PTPRD: variants seen among roughly 807,000 people sequenced by gnomAD.
The protein encoded by PTPRD is protein tyrosine phosphatase receptor type D.
A neutral mutation model predicts 214.5 loss-of-function variants in PTPRD; 34 were observed. The ratio of observed to expected loss-of-function variants is 0.16; its 90% CI spans 0.12 to 0.21. The LOEUF (loss-of-function observed/expected upper bound fraction) is 0.21, where lower values mean the gene tolerates loss of function less well. PTPRD is among the 10% of genes least tolerant of loss of function. PTPRD has a pLI of 1.00. For synonymous variants in PTPRD, 1,128 were observed against 845.7 expected, an observed-to-expected ratio of 1.33 and a Z score of -5.79; for missense variants, 2,545 against 2,398.7, an observed-to-expected ratio of 1.06 and a Z score of -1.27.
chr9:9,517,923 G>T (rs1457827985), intron 8 of PTPRD, among the ~76,000 whole-genome samples: 1 of 151,380 alleles, frequency 6.6e-6, no homozygotes, highest in African/African-American at 2.4e-5. Context: ...CTTAACCTGT[G>T]TTGTATATGC....
rs558846470 is a variant in PTPRD at position 8,819,912 on chromosome 9, T to C, written c.-103-85966A>G. Among the ~76,000 whole-genome samples, 7 of 152,212 alleles carry C rather than the reference T, an allele frequency of 4.6e-5. No individual in the cohort carries two copies. In the East Asian group the frequency reaches 1.4e-3, roughly 30 times the overall value. ...TGTTCTCCTTGTCCACACAATCATA[T>C]GCTCAGGAAGCTAAGTATTATAAAA... On this transcript the variant is annotated intron_variant, in intron 11 of 45. Coordinates refer to ENST00000381196, the MANE Select transcript of PTPRD (RefSeq NM_002839.4).
intron 3 of PTPRD, among the ~76,000 whole-genome samples, chr9:10,285,946 A>G (rs903457073): frequency 7.2e-5 from 11 of 152,078 alleles, no homozygotes; most frequent in Non-Finnish European, 1.2e-4. Flanking sequence ...AAGCCATAAT[A>G]GGTACCAGAC....
Position 9,420,901 on chromosome 9 carries a change from C to A in PTPRD, c.-236-23419G>T, listed in dbSNP as rs910368960. Among the ~76,000 whole-genome samples the A allele has an allele frequency of 4.6e-5, 7 of 151,666 alleles. No homozygotes were observed. The South Asian group carries it at 1.0e-3, about 23-fold the overall frequency. The stretch of plus-strand genomic sequence containing the variant: ...GCAGATAATTTGTTAAAATATTTGA[C>A]CAGTCCTTAACAGTGGTCTTTTTTC... On this transcript the variant is annotated intron_variant, in intron 8 of 45. Transcript: ENST00000381196.
intron 37 of PTPRD, among the ~76,000 whole-genome samples, chr9:8,384,717 G>A (rs1044501753): frequency 1.3e-5 from 2 of 152,042 alleles, no homozygotes; most frequent in South Asian, 4.2e-4. Flanking sequence ...GTAGAGATGG[G>A]GTTTTTCCTT....
Position 9,796,030 on chromosome 9 carries a change from G to T in PTPRD, c.-367-29179C>A, listed in dbSNP as rs1158157606. Among the ~76,000 whole-genome samples, 8 of 151,814 alleles carry T rather than the reference G, an allele frequency of 5.3e-5. No homozygotes were observed. The East Asian group carries it at 1.4e-3, about 26-fold the overall frequency. ...AATTACAGAATTATATTAAGAAAAA[G>T]ATTCTTCTAAATTTTAAGGTATTTT... On this transcript the variant is annotated intron_variant, in intron 5 of 45. Coordinates refer to ENST00000381196, the MANE Select transcript of PTPRD (RefSeq NM_002839.4).
intron 10 of PTPRD, among the ~76,000 whole-genome samples, chr9:9,058,365 C>G (rs1427588713): frequency 1.3e-5 from 2 of 148,878 alleles, no homozygotes; most frequent in Non-Finnish European, 3.0e-5. Flanking sequence ...ACTGGACTGG[C>G]TAAATCCCCT....
intron 2 of PTPRD, among the ~76,000 whole-genome samples, chr9:10,478,972 T>A (rs2099080127): frequency 6.6e-6 from 1 of 152,038 alleles, no homozygotes. Flanking sequence ...GAAATATTAA[T>A]AATTGAATAA....
rs531400946 is a variant in PTPRD, at chr9:9,162,176, G to A, written c.-143+21128C>T. Among the ~76,000 whole-genome samples the A allele has an allele frequency of 2.4e-3, 364 of 152,116 alleles. 1 individual carries two copies. Among genetic ancestry groups the A allele is most frequent in the African/African-American group, 8.2e-3 (342 of 41,532 alleles). ...AGATTTTTTCTTATGCATGCACCAC[G>A]GTTGCTAAACTTTGCTAAACACTGC... On this transcript the variant is annotated intron_variant, in intron 10 of 45. Transcript: ENST00000381196.
chr9:9,790,648 CA>C (rs1343091100), intron 5 of PTPRD, among the ~76,000 whole-genome samples: 1 of 152,080 alleles, frequency 6.6e-6, no homozygotes, highest in Non-Finnish European at 1.5e-5. Context: ...AGAAAAATAA[CA>C]AGGACTTAAT....
intron 9 of PTPRD, among the ~76,000 whole-genome samples, chr9:9,238,078 G>A (rs1218594635): frequency 6.6e-6 from 1 of 152,012 alleles, no homozygotes; most frequent in Non-Finnish European, 1.5e-5. Flanking sequence ...TCAGCGTTCT[G>A]GCAGCCACAT....
chr9:10,610,392 A>G (rs1443264417), intron 2 of PTPRD, among the ~76,000 whole-genome samples: 3 of 152,164 alleles, frequency 2.0e-5, no homozygotes, highest in Non-Finnish European at 4.4e-5. Flanking sequence ...CAAATCTGTC[A>G]TGTCTTCTCT....
At chr9:8,445,559 T>G (rs1025664835) in intron 34 of PTPRD, among the ~76,000 whole-genome samples, 1 of 152,208 alleles carries the variant, frequency 6.6e-6, no homozygotes, top group Non-Finnish European at 1.5e-5. Context: ...CCCGTATATT[T>G]GTCCAGACTT....
At chr9:8,763,770 CTCTTA>C (rs1285554519) in intron 11 of PTPRD, among the ~76,000 whole-genome samples, 3 of 151,782 alleles carry the variant, frequency 2.0e-5, no homozygotes, top group Non-Finnish European at 1.5e-5. Flanking sequence ...AGTTACCCCT[CTCTTA>C]TATCAAATAA....
chr9:10,403,260 G>C (rs867383861), intron 2 of PTPRD, among the ~76,000 whole-genome samples: 18 of 23,334 alleles, frequency 7.7e-4, no homozygotes, highest in African/African-American at 2.6e-3. Context: ...ATATATATAT[G>C]AAAAATGTAG....
intron 3 of PTPRD, among the ~76,000 whole-genome samples, chr9:10,259,907 C>G (rs1348436129): frequency 1.3e-5 from 2 of 152,056 alleles, no homozygotes; most frequent in African/African-American, 2.4e-5. Context: ...CATACTGACC[C>G]CACCAGAGTG....
At chr9:8,688,266 G>A (rs999220431) in intron 12 of PTPRD, among the ~76,000 whole-genome samples, 4 of 152,084 alleles carry the variant, frequency 2.6e-5, no homozygotes, top group Non-Finnish European at 4.4e-5. Flanking sequence ...TCCAGATGTG[G>A]TTCAAAAAGG....
chr9:10,060,744 C>T (rs2097747717), intron 3 of PTPRD, among the ~76,000 whole-genome samples: 1 of 151,698 alleles, frequency 6.6e-6, no homozygotes, highest in Admixed American at 6.6e-5. Context: ...TTTCTATTTT[C>T]CCACCATCAG....
chr9:10,564,352 A>G (rs2065000039), intron 2 of PTPRD, among the ~76,000 whole-genome samples: 1 of 151,120 alleles, frequency 6.6e-6, no homozygotes, highest in Non-Finnish European at 1.5e-5. Flanking sequence ...ACCGTTTTCC[A>G]GTGAACTATA....
chr9:9,208,902 G>T (rs1194229183), intron 9 of PTPRD, among the ~76,000 whole-genome samples: 1 of 151,764 alleles, frequency 6.6e-6, no homozygotes, highest in Non-Finnish European at 1.5e-5. Flanking sequence ...CCACTTCCCG[G>T]GTTCACGCCA....
Sources: allele counts gnomAD v4.1 joint callset (sites outside exome capture counted in the v4.1 genomes callset), GRCh38; gene constraint gnomAD v4.1.1; transcripts MANE v1.5; gene names NCBI Gene and HGNC (gene_info 2026-07-23, HGNC 2026-07-21).